Variants in AFDN observed in about 807,000 individuals in gnomAD.
AFDN encodes the protein afadin, adherens junction formation factor.
AFDN carries 68 observed loss-of-function variants against 216.6 expected under a neutral mutation model. The ratio of observed to expected loss-of-function variants is 0.31; its 90% CI spans 0.26 to 0.38. The LOEUF is 0.38. Ranked by LOEUF, AFDN falls within the 10% of genes least tolerant of loss-of-function variation. The pLI, the probability that AFDN is intolerant of heterozygous loss-of-function variation, is 1.00. For synonymous variants in AFDN, 868 were observed against 853.7 expected (o/e 1.02, Z -0.29); for missense variants, 2,136 against 2,342.0 (o/e 0.91, Z 1.82).
chr6:167,903,850 C>A (rs1789302558), intron 12 of AFDN, among the ~76,000 whole-genome samples: 1 of 152,222 alleles, frequency 6.6e-6, no homozygotes, highest in African/African-American at 2.4e-5. Context: ...CTGATGACCT[C>A]CCAGGTCCCA....
At chr6:167,855,066 A>G (rs1457242583) in intron 1 of AFDN, among the ~76,000 whole-genome samples, 1 of 152,068 alleles carries the variant, frequency 6.6e-6, no homozygotes, top group Non-Finnish European at 1.5e-5. Flanking sequence ...GATGATATTC[A>G]GTGTAATTTG....
chr6:167,868,438 AGT>A (rs1784432187), intron 2 of AFDN, among the ~76,000 whole-genome samples: 1 of 152,328 alleles, frequency 6.6e-6, no homozygotes, highest in South Asian at 2.1e-4. Context: ...AGAAAAACAA[AGT>A]GTATCTCATA....
intron 13 of AFDN, among the ~76,000 whole-genome samples, chr6:167,908,538 T>C (rs2128442449): frequency 6.6e-6 from 1 of 152,316 alleles, no homozygotes; most frequent in Non-Finnish European, 1.5e-5. Flanking sequence ...ATTTCTAAGG[T>C]GTGACTGAGA....
intron 18 of AFDN, 105 bp from the exon 19 acceptor site, chr6:167,915,063 C>G: frequency 8.6e-7 from 1 of 1,167,768 alleles, no homozygotes; most frequent in Non-Finnish European, 1.2e-6. Context: ...AGTAATTAAA[C>G]GGCACTTACT....
intron 8 of AFDN, among the ~76,000 whole-genome samples, chr6:167,891,408 G>GGTGTGTGT (rs71004178): frequency 2.1e-4 from 15 of 72,088 alleles, no homozygotes; most frequent in African/African-American, 5.2e-4. Context: ...TAAAGGGGTG[G>GGTGTGTGT]GTGTGTGTGT....
At chr6:167,929,060 G>T (rs930433341) in intron 23 of AFDN, among the ~76,000 whole-genome samples, 3 of 152,168 alleles carry the variant, frequency 2.0e-5, no homozygotes, top group Non-Finnish European at 4.4e-5. Flanking sequence ...GTCTGCAGGG[G>T]TTAGCTTCAG....
chr6:167,847,040 G>C (rs183628308), intron 1 of AFDN, among the ~76,000 whole-genome samples: 16 of 152,140 alleles, frequency 1.1e-4, no homozygotes, highest in Non-Finnish European at 1.6e-4. Flanking sequence ...ATTTTAGAAC[G>C]CTTTTCATTT....
At chr6:167,837,912 C>T (rs1219649595) in intron 1 of AFDN, among the ~76,000 whole-genome samples, 3 of 152,108 alleles carry the variant, frequency 2.0e-5, no homozygotes, top group Non-Finnish European at 4.4e-5. Flanking sequence ...CAGGAAGAAC[C>T]ACAGGCATAA....
Position 167,853,880 on chromosome 6 carries a change from C to T in AFDN, c.106-10671C>T, listed in dbSNP as rs150454230. Among the ~76,000 whole-genome samples the T allele has an allele frequency of 6.2e-4, 95 of 152,134 alleles. 1 individual carries two copies. In the East Asian group the frequency reaches 0.018, roughly 28 times the overall value. ...TATACGAGAATTTTTTCAACCAGTT[C>T]CCTACTGCTGGATCATTTTCAAACA... On this transcript the variant is annotated intron_variant, in intron 1 of 33. Transcript: ENST00000683244.
Position 167,946,880 on chromosome 6 carries a change from C to T in AFDN, c.3532C>T (p.Arg1178Cys), listed in dbSNP as rs529536920. 19 of 1,611,852 alleles carry T rather than the reference C, an allele frequency of 1.2e-5. No individual in the cohort carries two copies. In the East Asian group the frequency reaches 2.7e-4, roughly 23 times the overall value. ...ACTGATGAAAAATAGAGCTGATCAC[C>T]GTTCCAGCCCCAACGTAGCAAGTAA... ...DRLMKNRADH[R>C]SSPNVANQPP... The change falls in exon 27 of 34, where the codon CGT becomes TGT. Residue 1178 changes from arginine (R) to cysteine (C), a missense_variant. Transcript: ENST00000683244.
At chr6:167,891,756 A>G (rs956027418) in intron 8 of AFDN, among the ~76,000 whole-genome samples, 1 of 152,176 alleles carries the variant, frequency 6.6e-6, no homozygotes, top group African/African-American at 2.4e-5. Context: ...GACATTTATC[A>G]TTCAGTTAAC....
intron 1 of AFDN, among the ~76,000 whole-genome samples, chr6:167,841,510 C>A (rs759406894): frequency 3.3e-5 from 5 of 152,050 alleles, no homozygotes; most frequent in Non-Finnish European, 7.4e-5. Context: ...AAATACTGTA[C>A]AACGATGTCA....
intron 10 of AFDN, among the ~76,000 whole-genome samples, chr6:167,897,305 G>A (rs1169930721): frequency 2.0e-5 from 3 of 152,166 alleles, no homozygotes; most frequent in African/African-American, 7.2e-5. Flanking sequence ...ATCACTGGAG[G>A]TCTGACCACA....
intron 2 of AFDN, 34 bp from the exon 3 acceptor site, chr6:167,870,352 C>G (rs756704313): frequency 3.7e-6 from 5 of 1,341,292 alleles, no homozygotes; most frequent in Non-Finnish European, 5.3e-6. Context: ...ATAACCATAG[C>G]TTATTCTTTT....
In AFDN at chr6:167,903,958, G is replaced by A. The variant is rs77445938; in HGVS notation, c.1650+1572G>A. ...GCACTTTCTTCTGTTGGCTTCTAGG[G>A]TATATTACCCTCCTATAAACCACCT... On this transcript the variant is annotated intron_variant, in intron 12 of 33. Transcript: ENST00000683244. Among the ~76,000 whole-genome samples the A allele has an allele frequency of 8.5e-3, 1,294 of 152,202 alleles. 26 individuals are homozygous for A. The highest frequency in any genetic ancestry group is 0.03 in the African/African-American group (1,230 of 41,508).
intron 5 of AFDN, among the ~76,000 whole-genome samples, chr6:167,878,836 CT>C (rs1247121828): frequency 4.6e-5 from 7 of 152,286 alleles, no homozygotes; most frequent in Admixed American, 4.6e-4. Flanking sequence ...TGGTCCCCTG[CT>C]GAGACAAAGC....
At chr6:167,883,938 A>C (rs1286716920) in intron 6 of AFDN, among the ~76,000 whole-genome samples, 1 of 152,240 alleles carries the variant, frequency 6.6e-6, no homozygotes, top group Non-Finnish European at 1.5e-5. Context: ...TATGTACAGT[A>C]AAATGTCTTT....
chr6:167,945,270 C>T (rs1795131516), intron 26 of AFDN, among the ~76,000 whole-genome samples: 1 of 152,036 alleles, frequency 6.6e-6, no homozygotes, highest in East Asian at 1.9e-4. Flanking sequence ...TCACTGTCTT[C>T]CACCTCCACA....
intron 31 of AFDN, chr6:167,963,787 C>T: frequency 1.9e-6 from 2 of 1,062,460 alleles, no homozygotes; most frequent in African/African-American, 1.6e-5. Flanking sequence ...GGTAAGTCAA[C>T]ATTGATGATC....
Sources: allele counts gnomAD v4.1 joint callset (sites outside exome capture counted in the v4.1 genomes callset), GRCh38; gene constraint gnomAD v4.1.1; transcripts MANE v1.5; gene names NCBI Gene and HGNC (gene_info 2026-07-23, HGNC 2026-07-21).